Variants in PTPRQ observed in about 807,000 individuals in gnomAD.
PTPRQ encodes phosphatidylinositol phosphatase PTPRQ.
Under a neutral mutation model 246.0 loss-of-function variants are expected in PTPRQ, and 199 were observed. That is an observed-to-expected ratio of 0.81 (90% CI 0.72 to 0.91). PTPRQ has a LOEUF of 0.91. Ranked by LOEUF, PTPRQ falls within the 40% of genes least tolerant of loss-of-function variation. PTPRQ has a pLI of 0.00. For missense variants in PTPRQ, 2,624 were observed against 2,528.4 expected (o/e 1.04, Z -0.81); for synonymous variants, 869 against 853.2 (o/e 1.02, Z -0.32).
Position 80,563,232 on chromosome 12 carries a change from A to C in PTPRQ, c.4285+13498A>C, listed in dbSNP as rs139506731. Among the ~76,000 whole-genome samples the C allele has an allele frequency of 2.6e-5, 4 of 152,292 alleles. No individual in the cohort carries two copies. In the East Asian group the frequency reaches 7.7e-4, roughly 30 times the overall value. Reference sequence around the variant, plus strand: ...CTGGAAAGTCCAACATCAGGGCACCAGCAGATTCAGTGCTTGGTGAGGGCC... The same window carrying C: ...CTGGAAAGTCCAACATCAGGGCACCCGCAGATTCAGTGCTTGGTGAGGGCC... On this transcript the variant is annotated intron_variant, in intron 25 of 44. Transcript: ENST00000644991.
intron 35 of PTPRQ, among the ~76,000 whole-genome samples, chr12:80,638,387 T>A (rs1285376616): frequency 1.3e-5 from 2 of 152,120 alleles, no homozygotes; most frequent in Admixed American, 1.3e-4. Flanking sequence ...ATAACTTTTC[T>A]GAGTCCTGTA....
intron 39 of PTPRQ, among the ~76,000 whole-genome samples, chr12:80,666,183 T>C (rs1270704083): frequency 6.6e-6 from 1 of 151,936 alleles, no homozygotes; most frequent in South Asian, 2.1e-4. Flanking sequence ...CATCAACAGA[T>C]GAATGAATAA....
At chr12:80,566,588 G>C (rs1244194451) in intron 25 of PTPRQ, among the ~76,000 whole-genome samples, 1 of 152,034 alleles carries the variant, frequency 6.6e-6, no homozygotes, top group Non-Finnish European at 1.5e-5. Flanking sequence ...ACACAGGCTG[G>C]ATATGCAGTG....
chr12:80,538,839 T>C (rs1182970232), intron 19 of PTPRQ, among the ~76,000 whole-genome samples: 1 of 152,144 alleles, frequency 6.6e-6, no homozygotes, highest in Non-Finnish European at 1.5e-5. Context: ...TCCTCACAAG[T>C]TGTCTGTGAA....
At chr12:80,518,467 G>C (rs1437040150) in intron 17 of PTPRQ, among the ~76,000 whole-genome samples, 1 of 152,050 alleles carries the variant, frequency 6.6e-6, no homozygotes, top group African/African-American at 2.4e-5. Context: ...TTTCTTTGCT[G>C]TACAGAAGCT....
intron 17 of PTPRQ, among the ~76,000 whole-genome samples, chr12:80,512,977 A>C (rs1000309380): frequency 6.6e-6 from 1 of 151,552 alleles, no homozygotes; most frequent in African/African-American, 2.4e-5. Flanking sequence ...CTCTAGGGGG[A>C]GCATGCAGAC....
At chr12:80,538,099 ACT>A (rs770953024) in intron 19 of PTPRQ, among the ~76,000 whole-genome samples, 3 of 151,818 alleles carry the variant, frequency 2.0e-5, no homozygotes, top group Admixed American at 6.6e-5. Flanking sequence ...ACAGAGTGAG[ACT>A]CTGTTTTAAA....
intron 3 of PTPRQ, among the ~76,000 whole-genome samples, chr12:80,448,142 T>G (rs10047561): frequency 0.046 from 7,059 of 152,164 alleles, 533 homozygotes; most frequent in African/African-American, 0.16. Context: ...TTTATTTTTT[T>G]TGTGGCTATC....
At chr12:80,473,055 A>ACGCGCGCGCG (rs1555185253) in intron 8 of PTPRQ, among the ~76,000 whole-genome samples, 10 of 150,444 alleles carry the variant, frequency 6.6e-5, no homozygotes, top group African/African-American at 2.2e-4. Context: ...ACGCACACAC[A>ACGCGCGCGCG]CACACACACA....
At chr12:80,480,835 A>C (rs1894019065) in intron 8 of PTPRQ, among the ~76,000 whole-genome samples, 2 of 152,238 alleles carry the variant, frequency 1.3e-5, no homozygotes, top group Admixed American at 6.5e-5. Flanking sequence ...AAGAAGTTGA[A>C]TCTCTGAATA....
At chr12:80,596,086 A>G (rs1897961979) in intron 26 of PTPRQ, among the ~76,000 whole-genome samples, 1 of 152,100 alleles carries the variant, frequency 6.6e-6, no homozygotes, top group South Asian at 2.1e-4. Context: ...ATAAGTATGT[A>G]TAGTGAGACA....
At chr12:80,452,983 C>G (rs905166255) in intron 3 of PTPRQ, among the ~76,000 whole-genome samples, 6 of 152,150 alleles carry the variant, frequency 3.9e-5, no homozygotes, top group East Asian at 3.8e-4. Context: ...TTTCATTCTC[C>G]CCATCACTTT....
At chr12:80,625,038 A>T (rs1252352007) in intron 33 of PTPRQ, among the ~76,000 whole-genome samples, 3 of 152,206 alleles carry the variant, frequency 2.0e-5, no homozygotes, top group Admixed American at 1.3e-4. Context: ...AAGAGTTCTT[A>T]GTAAAAGAAC....
At position 80,495,253 on chromosome 12, in the gene PTPRQ, T is replaced by C. The variant is rs947198768; in HGVS notation, c.1764T>C (p.Tyr588=). The change falls in exon 12 of 45, where the codon TAT becomes TAC. Residue 588 remains tyrosine (Y), a synonymous_variant. Transcript: ENST00000644991. ...TTAGTTCTTCATCTATTTTGTTATATTGGGATCCTCCAGAATATCCCAATG... is the reference window on the plus strand; with the variant it reads ...TTAGTTCTTCATCTATTTTGTTATACTGGGATCCTCCAGAATATCCCAATG... ...KNISSSSILL[Y]WDPPEYPNGK... 5.8e-6 allele frequency: 9 copies of C among 1,544,452 alleles called. No homozygotes were observed. In the African/African-American group the frequency reaches 6.9e-5, roughly 12 times the overall value.
intron 25 of PTPRQ, among the ~76,000 whole-genome samples, chr12:80,552,522 C>G (rs1896504848): frequency 6.6e-6 from 1 of 150,684 alleles, no homozygotes; most frequent in African/African-American, 2.4e-5. Context: ...AAAGTGACAG[C>G]TTAGACACAG....
At chr12:80,510,895 C>A (rs374237905) in intron 17 of PTPRQ, among the ~76,000 whole-genome samples, 1 of 152,040 alleles carries the variant, frequency 6.6e-6, no homozygotes, top group African/African-American at 2.4e-5. Context: ...CAATGTATTT[C>A]GTTTCTGATC....
At chr12:80,454,948 G>A (rs981294699) in intron 3 of PTPRQ, among the ~76,000 whole-genome samples, 5 of 152,246 alleles carry the variant, frequency 3.3e-5, no homozygotes, top group South Asian at 2.1e-4. Context: ...AGGCCGAGGC[G>A]GGCGGATCAC....
intron 38 of PTPRQ, among the ~76,000 whole-genome samples, chr12:80,653,399 G>A (rs1437978846): frequency 6.6e-6 from 1 of 152,082 alleles, no homozygotes; most frequent in Admixed American, 6.6e-5. Context: ...TGATGTGAAA[G>A]GAAAATAGGA....
chr12:80,549,527 T>C lies in PTPRQ; in HGVS notation c.4078T>C (p.Trp1360Arg), dbSNP rs999386347. 1 of 1,551,132 alleles carries C rather than the reference T, an allele frequency of 6.4e-7. No homozygotes were observed. Among genetic ancestry groups the C allele is most frequent in the Non-Finnish European group, 8.7e-7 (1 of 1,146,552 alleles). Reference protein sequence around the residue: ...ATSWQSVLVKWDPPKKANGII... With the variant: ...ATSWQSVLVKRDPPKKANGII... ...TAGCTGGCAGTCAGTTTTAGTGAAA[T>C]GGGATCCACCCAAAAAGGCAAATGG... The change falls in exon 25 of 45, where the codon TGG (tryptophan) becomes CGG (arginine). Residue 1360 changes from tryptophan to arginine, a missense_variant. Physicochemically the swap from Trp to Arg is moderately radical, Grantham distance 101. Coordinates refer to ENST00000644991, the MANE Select transcript of PTPRQ (RefSeq NM_001145026.2).
Sources: allele counts gnomAD v4.1 joint callset (sites outside exome capture counted in the v4.1 genomes callset), GRCh38; gene constraint gnomAD v4.1.1; transcripts MANE v1.5; gene names NCBI Gene and HGNC (gene_info 2026-07-23, HGNC 2026-07-21).